Variants in ALDH3B1 observed in about 807,000 individuals in gnomAD.
ALDH3B1 encodes aldehyde dehydrogenase 3 family member B1.
A neutral mutation model predicts 46.2 loss-of-function variants in ALDH3B1; 37 were observed. That is an observed-to-expected ratio of 0.80 (90% CI 0.62 to 1.05). ALDH3B1 has a LOEUF of 1.05. ALDH3B1 is among the 50% of genes least tolerant of loss of function. ALDH3B1 has a pLI of 0.00. For synonymous variants in ALDH3B1, 283 were observed against 281.0 expected, an observed-to-expected ratio of 1.01 and a Z score of -0.07; for missense variants, 603 against 665.5, an observed-to-expected ratio of 0.91 and a Z score of 1.03.
chr11:68,018,728 G>T (rs1042423488), intron 3 of ALDH3B1, 45 bp from the exon 4 acceptor site: 1 of 1,549,372 alleles, frequency 6.5e-7, no homozygotes, highest in Non-Finnish European at 8.7e-7. Flanking sequence ...CTGCTGAGGG[G>T]CCGGGGTGCT....
intron 8 of ALDH3B1, 74 bp downstream of exon 8, chr11:68,022,835 A>G (rs895734153): frequency 3.0e-5 from 47 of 1,582,266 alleles, no homozygotes; most frequent in Non-Finnish European, 3.7e-5. Context: ...CAGGGGGGGC[A>G]CCAAAATCCA....
intron 9 of ALDH3B1, among the ~76,000 whole-genome samples, chr11:68,027,427 G>A (rs996523334): frequency 2.0e-5 from 3 of 152,160 alleles, no homozygotes; most frequent in African/African-American, 2.4e-5. Context: ...GTCACCCCAC[G>A]ACAGAGGAGA....
chr11:68,014,733 G>T (rs929312377), intron 1 of ALDH3B1, among the ~76,000 whole-genome samples: 1 of 152,200 alleles, frequency 6.6e-6, no homozygotes, highest in Non-Finnish European at 1.5e-5. Context: ...GCCTCCCTGG[G>T]CAGTGCCCCC....
chr11:68,009,044 T>A (rs535026569), upstream of ALDH3B1, among the ~76,000 whole-genome samples: 1 of 152,294 alleles, frequency 6.6e-6, no homozygotes, highest in Admixed American at 6.5e-5. Context: ...CGTGGCATCA[T>A]GACCACGGTC....
chr11:68,019,041 C>A, intron 4 of ALDH3B1, 129 bp from the exon 5 acceptor site: 1 of 1,449,676 alleles, frequency 6.9e-7, no homozygotes, highest in African/African-American at 1.4e-5. Flanking sequence ...GGCCCTGGGC[C>A]CGTCATGTTA....
intron 1 of ALDH3B1, among the ~76,000 whole-genome samples, chr11:68,011,813 T>C (rs528517210): frequency 2.0e-5 from 3 of 152,296 alleles, no homozygotes; most frequent in African/African-American, 7.2e-5. Flanking sequence ...GTCTCCTCCC[T>C]GAGCCCTCCT....
At chr11:68,013,505 G>A (rs1480790644) in intron 1 of ALDH3B1, among the ~76,000 whole-genome samples, 1 of 152,222 alleles carries the variant, frequency 6.6e-6, no homozygotes, top group Non-Finnish European at 1.5e-5. Flanking sequence ...AAGGACCCAG[G>A]AGAGTGCGGA....
chr11:68,018,809 C>G lies in ALDH3B1; in HGVS notation c.310C>G (p.Pro104Ala). Residue 104 changes from proline (P) to alanine (A), a missense_variant, in exon 4 of 10, where the codon CCC becomes GCC. Physicochemically the swap from Pro to Ala is conservative, Grantham distance 27. Transcript: ENST00000342456. ...GGACTCCGCCTTCATCCGGAAGGAGCCCTTTGGCCTGGTCCTCATCATTGC... is the reference window on the plus strand; with the variant it reads ...GGACTCCGCCTTCATCCGGAAGGAGGCCTTTGGCCTGGTCCTCATCATTGC... Reference protein sequence around the residue: ...QLDSAFIRKEPFGLVLIIAPW... With the variant: ...QLDSAFIRKEAFGLVLIIAPW... The G allele has an allele frequency of 1.9e-6, 3 of 1,561,650 alleles. No individual in the cohort carries two copies. Among genetic ancestry groups the G allele is most frequent in the East Asian group, 2.4e-5 (1 of 41,526 alleles).
rs1854634379 is a variant in ALDH3B1 at position 68,028,260 on chromosome 11, A to T, written c.*321A>T. 2.0e-6 allele frequency: 1 copy of T among 505,214 alleles called. No homozygotes were observed. The highest frequency in any genetic ancestry group is 1.7e-5 in the South Asian group (1 of 57,708). 31.3% of individuals were successfully genotyped at this position (505,214 alleles called of 1,614,324 possible). On this transcript the variant is annotated 3_prime_UTR_variant, in exon 10 of 10. Transcript: ENST00000342456. ...CCTCTGAGTCACCCCTCTCCTGTGG[A>T]GCGGGCGTCCGAGGGGCCCTGGCAT...
intron 2 of ALDH3B1, 89 bp downstream of exon 2, chr11:68,015,548 C>T: frequency 6.6e-7 from 1 of 1,512,638 alleles, no homozygotes; most frequent in Non-Finnish European, 9.0e-7. Context: ...GACACCTGCG[C>T]CCTCCATGAA....
At position 68,021,517 on chromosome 11, in the gene ALDH3B1, G is replaced by A; in HGVS notation, c.595G>A (p.Ala199Thr). The A allele has an allele frequency of 6.2e-7, 1 of 1,613,638 alleles. No homozygotes were observed. The highest frequency in any genetic ancestry group is 2.2e-5 in the East Asian group (1 of 44,880). ...TCGTGTGGGCAAGATTGTTATGACT[G>A]CTGCCGCCAAGCACCTGACACCTGT... Reference protein sequence around the residue: ...SPRVGKIVMTAAAKHLTPVTL... With the variant: ...SPRVGKIVMTTAAKHLTPVTL... The change falls in exon 7 of 10, where the codon GCT becomes ACT. Residue 199 changes from alanine (A) to threonine (T), a missense_variant. Physicochemically the swap from Ala to Thr is moderately conservative, Grantham distance 58 (BLOSUM62 0). Transcript: ENST00000342456.
chr11:68,027,672 T>C (rs959748149), intron 9 of ALDH3B1, 77 bp from the exon 10 acceptor site: 22 of 1,428,766 alleles, frequency 1.5e-5, no homozygotes, highest in Non-Finnish European at 2.0e-5. Flanking sequence ...AGGGGAGAAG[T>C]AGCCCGCCTA....
intron 3 of ALDH3B1, 26 bp downstream of exon 3, chr11:68,018,663 A>G (rs949765784): frequency 6.4e-7 from 1 of 1,553,216 alleles, no homozygotes; most frequent in Non-Finnish European, 8.7e-7. Context: ...TGAGGCGGGC[A>G]GGGGGCTCAG....
Position 68,019,703 on chromosome 11 carries a change from C to T in ALDH3B1, c.481-12C>T. The T allele has an allele frequency of 1.2e-6, 2 of 1,613,464 alleles. No homozygotes were observed. The highest frequency in any genetic ancestry group is 1.1e-5 in the South Asian group (1 of 91,024). ...GGGTCCCAGAAGGAGCCTCACCCAT[C>T]CCGCCTTGCAGAGCTGCTTTGCTGT... On this transcript the variant is annotated splice_polypyrimidine_tract_variant and intron_variant, in intron 5 of 9. Transcript: ENST00000342456.
upstream of ALDH3B1, among the ~76,000 whole-genome samples, chr11:68,009,101 C>T (rs1045403289): frequency 4.6e-5 from 7 of 152,200 alleles, no homozygotes; most frequent in African/African-American, 7.2e-5. Context: ...AGGGGACATC[C>T]GAAACGGGTG....
chr11:68,018,754 TC>T lies in ALDH3B1; in HGVS notation c.274-15del, dbSNP rs778864435. On this transcript the variant is annotated intron_variant, in intron 3 of 9. Transcript: ENST00000342456. ...CCGGGGTGCTGAGCACTTAATTTCATCCCCGGCTCCCGGCCCAGGCCACGCA... is the reference window on the plus strand; with the variant it reads ...CCGGGGTGCTGAGCACTTAATTTCATCCCGGCTCCCGGCCCAGGCCACGCA... 8 of 1,550,828 alleles carry T rather than the reference TC, an allele frequency of 5.2e-6. No individual in the cohort carries two copies. The South Asian group carries it at 8.3e-5, about 16-fold the overall frequency.
At chr11:68,014,098 A>G (rs1857288752) in intron 1 of ALDH3B1, among the ~76,000 whole-genome samples, 1 of 152,182 alleles carries the variant, frequency 6.6e-6, no homozygotes, top group African/African-American at 2.4e-5. Context: ...TGGTCTCATC[A>G]TTAGCTGGCA....
At chr11:68,013,812 G>C (rs542103475) in intron 1 of ALDH3B1, among the ~76,000 whole-genome samples, 1 of 152,196 alleles carries the variant, frequency 6.6e-6, no homozygotes, top group East Asian at 1.9e-4. Flanking sequence ...CTCCCGTGAC[G>C]AGCCATCCCC....
chr11:68,011,791 C>T (rs917473239), intron 1 of ALDH3B1, among the ~76,000 whole-genome samples: 6 of 152,202 alleles, frequency 3.9e-5, no homozygotes, highest in African/African-American at 1.4e-4. Context: ...CCTTCAGGCC[C>T]CTGCCCCAGG....
Sources: allele counts gnomAD v4.1 joint callset (sites outside exome capture counted in the v4.1 genomes callset), GRCh38; gene constraint gnomAD v4.1.1; transcripts MANE v1.5; gene names NCBI Gene and HGNC (gene_info 2026-07-23, HGNC 2026-07-21).